The following CCDC141 variants were observed in gnomAD, a reference collection of about 807,000 sequenced individuals.
CCDC141 encodes coiled-coil domain containing 141, also known as coiled-coil domain-containing protein 141.
A neutral mutation model predicts 181.0 loss-of-function variants in CCDC141; 168 were observed. The observed-to-expected ratio is 0.93, with a 90% CI of 0.82 to 1.05. The LOEUF is 1.05. Among genes scored for constraint, CCDC141 ranks in the 50% least tolerant of loss-of-function variants. The pLI, the probability that CCDC141 is intolerant of heterozygous loss-of-function variation, is 0.00. For synonymous variants in CCDC141, 666 were observed against 642.3 expected, an observed-to-expected ratio of 1.04 and a Z score of -0.56; for missense variants, 1,902 against 1,788.5, an observed-to-expected ratio of 1.06 and a Z score of -1.14.
At position 178,883,657 on chromosome 2, in the gene CCDC141, C is replaced by A. The variant is rs371896134; in HGVS notation, c.1719+1244G>T. On this transcript the variant is annotated intron_variant, in intron 11 of 23. Transcript: ENST00000443758. ...CATACTTATCTTGGGTTGGCTCTAC[C>A]CCTGAGTGAACCCTACTGGCTCTGC... Among the ~76,000 whole-genome samples the A allele has an allele frequency of 2.0e-5, 3 of 152,098 alleles. No individual in the cohort carries two copies. In the East Asian group the frequency reaches 5.8e-4, roughly 29 times the overall value.
intron 2 of CCDC141, among the ~76,000 whole-genome samples, chr2:179,033,877 C>A (rs959488410): frequency 1.6e-4 from 25 of 152,152 alleles, no homozygotes; most frequent in African/African-American, 5.8e-4. Flanking sequence ...AAAGCCCAAC[C>A]AACACTGGCT....
At chr2:178,975,878 T>G (rs1374564890) in intron 3 of CCDC141, among the ~76,000 whole-genome samples, 1 of 152,190 alleles carries the variant, frequency 6.6e-6, no homozygotes, top group Non-Finnish European at 1.5e-5. Flanking sequence ...TTTGCATTTT[T>G]ATCAATAATT....
intron 6 of CCDC141, among the ~76,000 whole-genome samples, chr2:178,940,914 T>C (rs79667446): frequency 0.024 from 3,625 of 152,312 alleles, 108 homozygotes; most frequent in East Asian, 0.13. Context: ...GAAATGTACA[T>C]CCTATCTCCT....
intron 14 of CCDC141, 62 bp downstream of exon 14, chr2:178,871,365 T>C (rs1219710304): frequency 1.3e-6 from 2 of 1,550,488 alleles, no homozygotes; most frequent in East Asian, 4.6e-5. Flanking sequence ...TCAGGTAAAC[T>C]GCAACCAAAC....
At chr2:178,997,089 G>A (rs1276530323) in intron 2 of CCDC141, among the ~76,000 whole-genome samples, 1 of 152,138 alleles carries the variant, frequency 6.6e-6, no homozygotes, top group Non-Finnish European at 1.5e-5. Context: ...CCTCCTATGA[G>A]ATTCTTGAAA....
rs777963459 is a variant in CCDC141, at chr2:178,865,910, A to G, written c.2581T>C (p.Ser861Pro). 53 of 1,578,810 alleles carry G rather than the reference A, an allele frequency of 3.4e-5. 1 individual carries two copies. In the South Asian group the frequency reaches 5.7e-4, roughly 17 times the overall value. Residue 861 changes from serine (S) to proline (P), a missense_variant, in exon 17 of 24, where the codon TCT (serine) becomes CCT (proline). By Grantham distance (74) the Ser-to-Pro change is moderately conservative. Coordinates refer to ENST00000443758, the MANE Select transcript of CCDC141 (RefSeq NM_173648.4). ...TGTAGGTTCTTTGCAGAAACATTAG[A>G]GCAGTGCTAAAAGAGACAAATGGTG... Reference protein sequence around the residue: ...IISSVQRPHCSNVSAKNLQQQ... With the variant: ...IISSVQRPHCPNVSAKNLQQQ...
At position 178,993,846 on chromosome 2, in the gene CCDC141, G is replaced by T. The variant is rs1037822418; in HGVS notation, c.226-15171C>A. 2.6e-5 allele frequency among the ~76,000 whole-genome samples: 4 copies of T among 152,064 alleles called. No homozygotes were observed. The East Asian group carries it at 7.7e-4, about 29-fold the overall frequency. On this transcript the variant is annotated intron_variant, in intron 2 of 23. Transcript: ENST00000443758. ...ATAGGATAAATTGGCCAAAATAAAG[G>T]GGCTACAGGCCCCATGAAAGTCCGA... is the stretch of plus-strand genomic sequence containing the variant.
chr2:178,842,965 T>TTGTG (rs139838976), intron 22 of CCDC141, among the ~76,000 whole-genome samples: 6 of 151,876 alleles, frequency 4.0e-5, no homozygotes, highest in South Asian at 4.2e-4. Context: ...ATCAGGATTA[T>TTGTG]TGTGTGTGTG....
chr2:178,913,215 T>C (rs1688295797), intron 7 of CCDC141, among the ~76,000 whole-genome samples: 1 of 152,232 alleles, frequency 6.6e-6, no homozygotes, highest in South Asian at 2.1e-4. Flanking sequence ...TAAGTGGCTT[T>C]AGTTATTTCT....
intron 7 of CCDC141, 67 bp downstream of exon 7, chr2:178,918,646 T>C (rs1324287479): frequency 6.1e-6 from 8 of 1,318,012 alleles, no homozygotes; most frequent in Non-Finnish European, 7.3e-6. Context: ...CTCCAGTCAG[T>C]TGAAGTAATG....
rs572012652 is a variant in CCDC141, at chr2:178,844,938, T to C, written c.3474+688A>G. On this transcript the variant is annotated intron_variant, in intron 22 of 23. Transcript: ENST00000443758. ...TAGTCCAGCAGCTGTGAATAGAGAGTGAGCAACTTATGCTGAAAAACCATC... is the reference window on the plus strand; with the variant it reads ...TAGTCCAGCAGCTGTGAATAGAGAGCGAGCAACTTATGCTGAAAAACCATC... 2.8e-4 allele frequency among the ~76,000 whole-genome samples: 43 copies of C among 152,208 alleles called. No individual in the cohort carries two copies. In the South Asian group the frequency reaches 8.3e-3, roughly 29 times the overall value.
rs550353554 is a variant in CCDC141, at chr2:178,879,640, C to T, written c.1720-1497G>A. 3.9e-5 allele frequency among the ~76,000 whole-genome samples: 6 copies of T among 152,200 alleles called. No homozygotes were observed. The South Asian group carries it at 1.2e-3, about 32-fold the overall frequency. On this transcript the variant is annotated intron_variant, in intron 11 of 23. Coordinates refer to ENST00000443758, the MANE Select transcript of CCDC141 (RefSeq NM_173648.4). ...GCTCTAGGAGAAAGAGAGCCATAAT[C>T]AAATTATTACAACACAAAGACACAT...
intron 5 of CCDC141, among the ~76,000 whole-genome samples, chr2:178,955,889 T>A (rs1034788922): frequency 8.5e-5 from 13 of 152,240 alleles, no homozygotes; most frequent in African/African-American, 3.1e-4. Flanking sequence ...TTTTATCACA[T>A]CCTGTGAACT....
chr2:178,848,327 CT>C (rs746074417), intron 21 of CCDC141, among the ~76,000 whole-genome samples: 12 of 152,160 alleles, frequency 7.9e-5, no homozygotes, highest in Non-Finnish European at 1.3e-4. Flanking sequence ...ATTGAAAGGC[CT>C]TGAATTGGAA....
At chr2:179,025,096 TTTTTC>T (rs1156433562) in intron 2 of CCDC141, among the ~76,000 whole-genome samples, 3 of 152,082 alleles carry the variant, frequency 2.0e-5, no homozygotes, top group African/African-American at 4.8e-5. Context: ...GTTCATTTTC[TTTTTC>T]TTTTCTTTTT....
chr2:178,925,168 G>A (rs1399937741), intron 6 of CCDC141, among the ~76,000 whole-genome samples: 1 of 152,226 alleles, frequency 6.6e-6, no homozygotes, highest in South Asian at 2.1e-4. Flanking sequence ...AGAAGTGACA[G>A]ATATCACCAA....
rs185517818 is a variant in CCDC141 at position 178,918,576 on chromosome 2, A to C, written c.1092+137T>G. The stretch of plus-strand genomic sequence containing the variant: ...GGCCATAATAGGAATATATGTTAAA[A>C]GCTCTCTTTGCTGCTATCAGTTTTG... On this transcript the variant is annotated intron_variant, in intron 7 of 23. Coordinates refer to ENST00000443758, the MANE Select transcript of CCDC141 (RefSeq NM_173648.4). The C allele has an allele frequency of 1.1e-5, 7 of 614,370 alleles. No homozygotes were observed. The Admixed American group carries it at 1.8e-4, about 16-fold the overall frequency. 38.1% of individuals were successfully genotyped at this position (614,370 alleles called of 1,614,324 possible). A position where few individuals can be genotyped will look rare whatever the true frequency, so the allele number is the denominator to read the frequency against.
chr2:179,004,728 C>T (rs1426268624), intron 2 of CCDC141, among the ~76,000 whole-genome samples: 2 of 152,176 alleles, frequency 1.3e-5, no homozygotes, highest in South Asian at 2.1e-4. Flanking sequence ...ACATTAAAGA[C>T]TAAATTTTTT....
In CCDC141 at chr2:178,877,925, T is replaced by A. The variant is rs1156258888; in HGVS notation, c.1899+39A>T. ...ATTATTATTTTGACTTTGATGAGTA[T>A]CCCTGCAGAAGGTGTGATCCATTTA... On this transcript the variant is annotated intron_variant, in intron 12 of 23. Coordinates refer to ENST00000443758, the MANE Select transcript of CCDC141 (RefSeq NM_173648.4). 4.6e-6 allele frequency: 7 copies of A among 1,535,754 alleles called. No homozygotes were observed. The South Asian group carries it at 7.8e-5, about 17-fold the overall frequency.
Sources: gnomAD v4.1 joint callset for allele counts (sites outside exome capture counted in the v4.1 genomes callset) on GRCh38, gnomAD v4.1.1 for gene constraint, MANE v1.5 for transcripts, NCBI Gene and HGNC (gene_info 2026-07-23, HGNC 2026-07-21) for gene names.